Variants in NRG1 observed in about 807,000 individuals in gnomAD.
NRG1 encodes the protein pro-neuregulin-1, membrane-bound isoform.
NRG1 carries 18 observed loss-of-function variants against 63.8 expected under a neutral mutation model. The ratio of observed to expected loss-of-function variants is 0.28; its 90% CI spans 0.19 to 0.42. The LOEUF (loss-of-function observed/expected upper bound fraction) is 0.42. Among genes scored for constraint, NRG1 ranks in the 10% least tolerant of loss-of-function variants. The probability of loss-of-function intolerance (pLI) is 1.00; values close to 1 mark genes in which losing one functional copy is unlikely to be tolerated. For missense variants in NRG1, 762 were observed against 814.7 expected, an observed-to-expected ratio of 0.94 and a Z score of 0.79; for synonymous variants, 302 against 301.3, an observed-to-expected ratio of 1.00 and a Z score of -0.02.
chr8:32,194,360 C>T (rs112286058), intron 1 of NRG1, among the ~76,000 whole-genome samples: 4 of 152,166 alleles, frequency 2.6e-5, no homozygotes, highest in Non-Finnish European at 5.9e-5. Flanking sequence ...TTACATTTTA[C>T]TTAACTCTGG....
intron 1 of NRG1, among the ~76,000 whole-genome samples, chr8:31,774,543 G>T (rs1266375434): frequency 6.6e-6 from 1 of 152,126 alleles, no homozygotes; most frequent in Non-Finnish European, 1.5e-5. Flanking sequence ...ATAGTCGGGG[G>T]TCAAGTCAGC....
rs1457480407 is a variant in NRG1, at chr8:32,334,100, C to A, written c.38-261728C>A. Among the ~76,000 whole-genome samples, 17 of 152,314 alleles carry A rather than the reference C, an allele frequency of 1.1e-4. No individual in the cohort carries two copies. The South Asian group carries it at 3.1e-3, about 28-fold the overall frequency. On this transcript the variant is annotated intron_variant, in intron 1 of 10. Coordinates refer to the NRG1 transcript ENST00000519301. ...TTATGCTGTACTTACATGACAGGTA[C>A]TTACATCTTTTATTTTAACTCATTT...
At chr8:31,987,320 A>ATGTG (rs545275263) in intron 1 of NRG1, among the ~76,000 whole-genome samples, 58,449 of 125,280 alleles carry the variant, frequency 0.47, 16,497 homozygotes, top group Non-Finnish European at 0.63. Context: ...AAACATATAT[A>ATGTG]TGTGTGTGTG....
chr8:32,444,250 C>T (rs1170134977), intron 1 of NRG1, among the ~76,000 whole-genome samples: 1 of 152,080 alleles, frequency 6.6e-6, no homozygotes, highest in Non-Finnish European at 1.5e-5. Flanking sequence ...TCTCAAGCAG[C>T]TGGGACTACA....
chr8:32,021,978 A>T (rs1021468029), intron 1 of NRG1, among the ~76,000 whole-genome samples: 1 of 152,152 alleles, frequency 6.6e-6, no homozygotes, highest in African/African-American at 2.4e-5. Context: ...TCAGAGGCAG[A>T]AGTGGTTGGT....
intron 1 of NRG1, among the ~76,000 whole-genome samples, chr8:31,758,283 C>A (rs568264098): frequency 6.6e-6 from 1 of 152,108 alleles, no homozygotes; most frequent in South Asian, 2.1e-4. Flanking sequence ...TTGTTCAACT[C>A]CCACTTATGA....
At chr8:31,798,032 G>A (rs1290034688) in intron 1 of NRG1, among the ~76,000 whole-genome samples, 1 of 152,086 alleles carries the variant, frequency 6.6e-6, no homozygotes. Context: ...AGGCTGTGAG[G>A]GGGAGGGGGA....
intron 1 of NRG1, among the ~76,000 whole-genome samples, chr8:32,079,306 A>T (rs1181367754): frequency 1.3e-5 from 2 of 152,188 alleles, no homozygotes; most frequent in Non-Finnish European, 2.9e-5. Context: ...AGCAGATATT[A>T]TAATTATTTT....
At chr8:32,647,370 T>G (rs1398101007) in intron 5 of NRG1, 1 of 985,228 alleles carries the variant, frequency 1.0e-6, no homozygotes, top group African/African-American at 1.7e-5. Flanking sequence ...GCCTTTCAGT[T>G]TGGGCTACTG....
chr8:32,707,108 TGCAG>T (rs1816626502), intron 5 of NRG1, among the ~76,000 whole-genome samples: 1 of 152,110 alleles, frequency 6.6e-6, no homozygotes, highest in South Asian at 2.1e-4. Flanking sequence ...TGTGCTGGGC[TGCAG>T]TCTTATTCAT....
At chr8:32,671,640 TA>T (rs1242656751) in intron 5 of NRG1, among the ~76,000 whole-genome samples, 1 of 152,170 alleles carries the variant, frequency 6.6e-6, no homozygotes, top group Admixed American at 6.6e-5. Context: ...TTTTAATTCT[TA>T]AAATATGAAT....
At chr8:32,065,777 G>A (rs1824692332) in intron 1 of NRG1, among the ~76,000 whole-genome samples, 1 of 152,118 alleles carries the variant, frequency 6.6e-6, no homozygotes, top group East Asian at 1.9e-4. Flanking sequence ...TTCCACAATG[G>A]TTGAACTAGT....
At chr8:31,648,088 AC>A (rs1804455991) in intron 1 of NRG1, among the ~76,000 whole-genome samples, 1 of 107,308 alleles carries the variant, frequency 9.3e-6, no homozygotes, top group African/African-American at 3.8e-5. Flanking sequence ...TTCCCCAATC[AC>A]CATTCTACTT....
chr8:32,281,543 T>C (rs1288729442), intron 1 of NRG1, among the ~76,000 whole-genome samples: 1 of 152,086 alleles, frequency 6.6e-6, no homozygotes, highest in Non-Finnish European at 1.5e-5. Context: ...CAACAGTGTC[T>C]ATTGTTCCCT....
At chr8:32,541,623 G>T (rs188506358) in intron 1 of NRG1, among the ~76,000 whole-genome samples, 19 of 152,108 alleles carry the variant, frequency 1.2e-4, no homozygotes, top group African/African-American at 4.1e-4. Flanking sequence ...AATTTAACAG[G>T]GTTGAATCTT....
intron 11 of NRG1, among the ~76,000 whole-genome samples, chr8:32,762,519 C>T (rs866391711): frequency 1.3e-5 from 2 of 152,110 alleles, no homozygotes; most frequent in African/African-American, 4.8e-5. Flanking sequence ...TTTGAAGGCT[C>T]AAGGCCCACA....
At chr8:31,870,753 T>G (rs1302184480) in intron 1 of NRG1, among the ~76,000 whole-genome samples, 1 of 152,150 alleles carries the variant, frequency 6.6e-6, no homozygotes, top group East Asian at 1.9e-4. Context: ...TTTATTTTTT[T>G]TAGTGGCTGT....
chr8:32,402,857 C>T (rs1036811720), intron 1 of NRG1, among the ~76,000 whole-genome samples: 4 of 152,142 alleles, frequency 2.6e-5, no homozygotes, highest in African/African-American at 4.8e-5. Context: ...GTACTACCCA[C>T]GGTTTCAGGC....
intron 1 of NRG1, among the ~76,000 whole-genome samples, chr8:32,501,147 T>C (rs1827806612): frequency 6.6e-6 from 1 of 152,154 alleles, no homozygotes; most frequent in African/African-American, 2.4e-5. Context: ...TAATTATCTG[T>C]GAATGACAAT....
Sources: gnomAD v4.1 joint callset for allele counts (sites outside exome capture counted in the v4.1 genomes callset) on GRCh38, gnomAD v4.1.1 for gene constraint, MANE v1.5 for transcripts, NCBI Gene and HGNC (gene_info 2026-07-23, HGNC 2026-07-21) for gene names.